PROCR: variants seen among roughly 807,000 people sequenced by gnomAD.
PROCR encodes the protein protein C receptor.
Under a neutral mutation model 24.2 loss-of-function variants are expected in PROCR, and 22 were observed. The observed-to-expected ratio is 0.91, with a 90% CI of 0.65 to 1.30. The LOEUF (loss-of-function observed/expected upper bound fraction) is 1.30. Ranked by LOEUF, PROCR falls within the 50% of genes most tolerant of loss-of-function variation. The pLI is 0.00. For synonymous variants in PROCR, 137 were observed against 139.2 expected, an observed-to-expected ratio of 0.98 and a Z score of 0.11; for missense variants, 288 against 307.7, an observed-to-expected ratio of 0.94 and a Z score of 0.48.
At chr20:35,195,469 C>G (rs2086207474) in intron 1 of PROCR, 1 of 151,854 alleles carries the variant, frequency 6.6e-6, no homozygotes, top group Non-Finnish European at 1.5e-5. Context: ...CTACTATGTA[C>G]CGATAAAATT....
At chr20:35,192,937 C>A (rs1457975661) in intron 1 of PROCR, among the ~76,000 whole-genome samples, 1 of 152,002 alleles carries the variant, frequency 6.6e-6, no homozygotes, top group African/African-American at 2.4e-5. Flanking sequence ...ATGGAATATA[C>A]AACGAGAGTA....
chr20:35,211,338 CAG>C (rs1568602378), intron 1 of PROCR, among the ~76,000 whole-genome samples: 1 of 152,122 alleles, frequency 6.6e-6, no homozygotes, highest in South Asian at 2.1e-4. Context: ...TAAGGAGATT[CAG>C]AGATAGGTGT....
At chr20:35,192,962 A>G (rs1019672635) in intron 1 of PROCR, among the ~76,000 whole-genome samples, 4 of 152,216 alleles carry the variant, frequency 2.6e-5, no homozygotes, top group Non-Finnish European at 5.9e-5. Context: ...AACTTAAACT[A>G]CAAGTCTTAA....
At chr20:35,199,122 T>G (rs2060309494) in intron 1 of PROCR, among the ~76,000 whole-genome samples, 2 of 152,228 alleles carry the variant, frequency 1.3e-5, no homozygotes, top group Admixed American at 1.3e-4. Flanking sequence ...GATTTTAAGT[T>G]GAAGCCAATG....
chr20:35,192,670 CCCCCACCTCCCTCTGTA>C (rs1280512514), intron 1 of PROCR, among the ~76,000 whole-genome samples: 1 of 151,642 alleles, frequency 6.6e-6, no homozygotes, highest in Non-Finnish European at 1.5e-5. Context: ...GGAGACTTTC[CCCCCACCTCCCTCTGTA>C]CCCAAGCTGT....
chr20:35,199,143 A>G (rs2060309577), intron 1 of PROCR, among the ~76,000 whole-genome samples: 1 of 152,216 alleles, frequency 6.6e-6, no homozygotes, highest in African/African-American at 2.4e-5. Context: ...TCCATGTACC[A>G]TTATGAAAAT....
At chr20:35,186,207 C>A (rs1258985118) in intron 1 of PROCR, among the ~76,000 whole-genome samples, 1 of 152,084 alleles carries the variant, frequency 6.6e-6, no homozygotes, top group Non-Finnish European at 1.5e-5. Flanking sequence ...TATTTTAATA[C>A]AATGGAATAT....
At chr20:35,181,549 C>T (rs1358216681), downstream of PROCR, among the ~76,000 whole-genome samples, 2 of 152,018 alleles carry the variant, frequency 1.3e-5, no homozygotes, top group Admixed American at 6.6e-5. Flanking sequence ...CTGGGATTGC[C>T]GGCGTGAGCC....
At chr20:35,190,116 T>G (rs1460166920) in intron 1 of PROCR, among the ~76,000 whole-genome samples, 2 of 152,094 alleles carry the variant, frequency 1.3e-5, no homozygotes, top group Non-Finnish European at 2.9e-5. Context: ...ACGTTATTAT[T>G]CTCACACCCA....
At chr20:35,191,367 G>A (rs1045042449) in intron 1 of PROCR, among the ~76,000 whole-genome samples, 1 of 152,190 alleles carries the variant, frequency 6.6e-6, no homozygotes, top group Non-Finnish European at 1.5e-5. Context: ...TTCAGACGCT[G>A]TTTTAGGACG....
At chr20:35,196,332 A>G (rs1447700032) in intron 1 of PROCR, among the ~76,000 whole-genome samples, 2 of 152,114 alleles carry the variant, frequency 1.3e-5, no homozygotes, top group Non-Finnish European at 2.9e-5. Flanking sequence ...ATGGCTGAAA[A>G]CTTCATAAAT....
intron 1 of PROCR, among the ~76,000 whole-genome samples, chr20:35,190,273 A>C (rs1043229397): frequency 4.6e-5 from 7 of 152,176 alleles, no homozygotes; most frequent in Non-Finnish European, 1.0e-4. Context: ...TACATATCCC[A>C]AAAAATAGAT....
At chr20:35,186,651 C>A (rs1196818711) in intron 1 of PROCR, among the ~76,000 whole-genome samples, 1 of 151,086 alleles carries the variant, frequency 6.6e-6, no homozygotes, top group African/African-American at 2.4e-5. Flanking sequence ...CGTGAAACAT[C>A]CAGAATAGGC....
At chr20:35,196,180 C>CAAAAA (rs68132775) in intron 1 of PROCR, among the ~76,000 whole-genome samples, 1 of 63,444 alleles carries the variant, frequency 1.6e-5, no homozygotes, top group Non-Finnish European at 2.7e-5. Context: ...AGACTGCCTC[C>CAAAAA]AAAAAAAAAA....
At chr20:35,205,923 G>A (rs1033163144) in intron 1 of PROCR, among the ~76,000 whole-genome samples, 2 of 146,794 alleles carry the variant, frequency 1.4e-5, no homozygotes, top group Non-Finnish European at 3.0e-5. Context: ...CCCCAACCTC[G>A]GCCTCCCAAA....
At chr20:35,193,031 A>G (rs1568597125) in intron 1 of PROCR, among the ~76,000 whole-genome samples, 1 of 152,196 alleles carries the variant, frequency 6.6e-6, no homozygotes, top group Non-Finnish European at 1.5e-5. Flanking sequence ...AAAAAAGTAT[A>G]AACTATATGA....
At chr20:35,178,158 C>T (rs1194107469), downstream of PROCR, among the ~76,000 whole-genome samples, 1 of 151,836 alleles carries the variant, frequency 6.6e-6, no homozygotes, top group Non-Finnish European at 1.5e-5. Flanking sequence ...AATCCCAGCA[C>T]TTTGGGAGGC....
downstream of PROCR, among the ~76,000 whole-genome samples, chr20:35,180,274 GA>G (rs957272301): frequency 1.0e-5 from 1 of 98,376 alleles, no homozygotes; most frequent in African/African-American, 4.7e-5. Context: ...ACATAAATAA[GA>G]AAAAAAAGAC....
At chr20:35,198,457 T>C (rs761739975) in intron 1 of PROCR, among the ~76,000 whole-genome samples, 6 of 152,174 alleles carry the variant, frequency 3.9e-5, no homozygotes, top group South Asian at 2.1e-4. Flanking sequence ...TAACTCTCTT[T>C]AATTTTATGA....
Sources: gnomAD v4.1 joint callset for allele counts (sites outside exome capture counted in the v4.1 genomes callset) on GRCh38, gnomAD v4.1.1 for gene constraint, MANE v1.5 for transcripts, NCBI Gene and HGNC (gene_info 2026-07-23, HGNC 2026-07-21) for gene names.